The following PACRG variants were observed in gnomAD, a reference collection of about 807,000 sequenced individuals.
PACRG encodes parkin coregulated.
A neutral mutation model predicts 29.7 loss-of-function variants in PACRG; 29 were observed. The ratio of observed to expected loss-of-function variants is 0.98; its 90% CI spans 0.73 to 1.33. PACRG has a LOEUF of 1.33. Ranked by LOEUF, PACRG falls within the 40% of genes most tolerant of loss-of-function variation. The pLI, the probability that PACRG is intolerant of heterozygous loss-of-function variation, is 0.00. For missense variants in PACRG, 279 were observed against 316.2 expected (o/e 0.88, Z 0.89); for synonymous variants, 116 against 118.7 (o/e 0.98, Z 0.15).
rs369784144 is a variant in PACRG, at chr6:163,159,018, T to G, written c.613+69610T>G. ...GAACATGCCTTTAAGAATAAGCTGCTTTGAATGCCATGAGCACAGGTTTTG... is the reference window on the plus strand; with the variant it reads ...GAACATGCCTTTAAGAATAAGCTGCGTTGAATGCCATGAGCACAGGTTTTG... On this transcript the variant is annotated intron_variant, in intron 4 of 4. Transcript: ENST00000366888. 4.6e-4 allele frequency among the ~76,000 whole-genome samples: 70 copies of G among 152,272 alleles called. 2 individuals carry two copies. The East Asian group carries it at 0.012, about 27-fold the overall frequency.
At chr6:163,065,168 C>G (rs904737357) in intron 3 of PACRG, among the ~76,000 whole-genome samples, 1 of 152,128 alleles carries the variant, frequency 6.6e-6, no homozygotes, top group African/African-American at 2.4e-5. Flanking sequence ...GCTCCCTTTT[C>G]CCTCCCACCT....
intron 4 of PACRG, among the ~76,000 whole-genome samples, chr6:163,090,550 A>G (rs1792447345): frequency 6.6e-6 from 1 of 152,192 alleles, no homozygotes; most frequent in Non-Finnish European, 1.5e-5. Flanking sequence ...TTAATAATTG[A>G]GTCTCTTATT....
intron 4 of PACRG, among the ~76,000 whole-genome samples, chr6:163,129,831 G>A (rs139644409): frequency 1.4e-4 from 21 of 152,314 alleles, no homozygotes; most frequent in African/African-American, 5.1e-4. Flanking sequence ...AGTTTTGGCT[G>A]TGAGGATTAA....
At chr6:162,967,149 T>C (rs912221209) in intron 2 of PACRG, among the ~76,000 whole-genome samples, 1 of 152,154 alleles carries the variant, frequency 6.6e-6, no homozygotes, top group African/African-American at 2.4e-5. Flanking sequence ...TTATAGAAAT[T>C]AATGCTTGCC....
intron 2 of PACRG, among the ~76,000 whole-genome samples, chr6:162,976,243 AAT>A (rs1293812233): frequency 6.6e-6 from 1 of 152,210 alleles, no homozygotes; most frequent in African/African-American, 2.4e-5. Flanking sequence ...TTGAGATTTA[AAT>A]AGAGAAGGAA....
intron 3 of PACRG, among the ~76,000 whole-genome samples, chr6:163,084,145 A>G (rs548781665): frequency 6.6e-6 from 1 of 152,332 alleles, no homozygotes; most frequent in South Asian, 2.1e-4. Flanking sequence ...CTATAATGTC[A>G]GTAGACTCCT....
chr6:162,797,483 T>C (rs1298982377), intron 1 of PACRG, among the ~76,000 whole-genome samples: 1 of 152,200 alleles, frequency 6.6e-6, no homozygotes, highest in Non-Finnish European at 1.5e-5. Flanking sequence ...TAGTTTTAAA[T>C]AACTACACAA....
At chr6:163,135,832 A>C (rs1468945939) in intron 4 of PACRG, among the ~76,000 whole-genome samples, 1 of 152,238 alleles carries the variant, frequency 6.6e-6, no homozygotes, top group Non-Finnish European at 1.5e-5. Context: ...ATCCTTGTTA[A>C]ACACAGAAGT....
intron 2 of PACRG, among the ~76,000 whole-genome samples, chr6:162,961,506 A>G (rs1236171766): frequency 6.6e-6 from 1 of 152,298 alleles, no homozygotes; most frequent in South Asian, 2.1e-4. Context: ...TTTGTAATCC[A>G]GTGGTTGACC....
intron 4 of PACRG, among the ~76,000 whole-genome samples, chr6:163,144,099 C>T (rs1031840133): frequency 6.6e-6 from 1 of 151,726 alleles, no homozygotes; most frequent in African/African-American, 2.4e-5. Flanking sequence ...TGTGGTGGTG[C>T]ATGCCTATAA....
At chr6:163,262,028 C>T (rs1783346228) in intron 4 of PACRG, among the ~76,000 whole-genome samples, 1 of 152,110 alleles carries the variant, frequency 6.6e-6, no homozygotes, top group Non-Finnish European at 1.5e-5. Flanking sequence ...CTGCTATTTC[C>T]AAGATGTGGG....
chr6:162,978,263 G>A (rs57020951), intron 2 of PACRG, among the ~76,000 whole-genome samples: 10,782 of 152,200 alleles, frequency 0.071, 1,025 homozygotes, highest in African/African-American at 0.21. Context: ...AAAATATTGT[G>A]TTTTATAGAT....
intron 2 of PACRG, among the ~76,000 whole-genome samples, chr6:162,816,443 C>G (rs962056302): frequency 6.6e-6 from 1 of 152,170 alleles, no homozygotes; most frequent in Non-Finnish European, 1.5e-5. Flanking sequence ...ACCTCCGCCT[C>G]CTGGGTTCAC....
upstream of PACRG, chr6:162,727,721 G>A (rs762055309): frequency 9.1e-6 from 14 of 1,544,402 alleles, no homozygotes; most frequent in East Asian, 1.5e-4. Flanking sequence ...TGCGCGCAGC[G>A]GCGCCAGCCG....
chr6:162,753,965 T>C (rs1781708081), intron 1 of PACRG, among the ~76,000 whole-genome samples: 1 of 152,190 alleles, frequency 6.6e-6, no homozygotes, highest in African/African-American at 2.4e-5. Context: ...AGATATCTCT[T>C]TGACATATTG....
rs1239404610 is a variant in PACRG at position 163,260,145 on chromosome 6, A to G, written c.614-54682A>G. ...CCCTTCCCGATGTTTTCCCTGCAGC[A>G]TCGTCCAGTCCCCAAGCACTTCCAT... On this transcript the variant is annotated intron_variant, in intron 4 of 4. Transcript: ENST00000366888. 2.6e-5 allele frequency among the ~76,000 whole-genome samples: 4 copies of G among 152,208 alleles called. No homozygotes were observed. The East Asian group carries it at 7.7e-4, about 29-fold the overall frequency.
At chr6:162,728,551 G>GT (rs1215454662) in intron 1 of PACRG, among the ~76,000 whole-genome samples, 160 bp downstream of exon 1, 1 of 152,198 alleles carries the variant, frequency 6.6e-6, no homozygotes, top group Non-Finnish European at 1.5e-5. Flanking sequence ...CCCACAGTGT[G>GT]TGGGGGGCAG....
chr6:162,814,127 T>C lies in PACRG; in HGVS notation c.157-20T>C. On this transcript the variant is annotated intron_variant, in intron 1 of 4. Coordinates refer to ENST00000366888, the MANE Select transcript of PACRG (RefSeq NM_001080379.2). ...AGTATGTCTTAAAACCTGATCCCTA[T>C]TTTTTTTTTTCCAATTAAGGTGAGA... 1.1e-6 allele frequency: 1 copy of C among 926,586 alleles called. No individual in the cohort carries two copies. Among genetic ancestry groups the C allele is most frequent in the Non-Finnish European group, 1.5e-6 (1 of 680,006 alleles). The allele number at this position is 926,586 out of a possible 1,614,324, so 57.4% of individuals were successfully genotyped here.
intron 3 of PACRG, among the ~76,000 whole-genome samples, chr6:163,066,468 T>C (rs1006748171): frequency 6.6e-6 from 1 of 152,200 alleles, no homozygotes; most frequent in African/African-American, 2.4e-5. Flanking sequence ...CAGTCAGCAC[T>C]AAACCTAGGG....
Sources: gnomAD v4.1 joint callset for allele counts (sites outside exome capture counted in the v4.1 genomes callset) on GRCh38, gnomAD v4.1.1 for gene constraint, MANE v1.5 for transcripts, NCBI Gene and HGNC (gene_info 2026-07-23, HGNC 2026-07-21) for gene names.